SUPT5H: variants seen among roughly 807,000 people sequenced by gnomAD.
The protein encoded by SUPT5H is transcription elongation factor SPT5.
Under a neutral mutation model 142.5 loss-of-function variants are expected in SUPT5H, and 24 were observed. That is an observed-to-expected ratio of 0.17 (90% confidence interval 0.12 to 0.24). The LOEUF is 0.24. Among genes scored for constraint, SUPT5H ranks in the 10% least tolerant of loss-of-function variants. The probability of loss-of-function intolerance (pLI) is 1.00; values close to 1 mark genes in which losing one functional copy is unlikely to be tolerated. For synonymous variants in SUPT5H, 546 were observed against 553.0 expected, an observed-to-expected ratio of 0.99 and a Z score of 0.18; for missense variants, 893 against 1,471.8, an observed-to-expected ratio of 0.61 and a Z score of 6.43.
In SUPT5H at chr19:39,469,143, T is replaced by C. The variant is rs1162659753; in HGVS notation, c.1208T>C (p.Ile403Thr). Reference protein sequence around the residue: ...LEKFEDQPEGIDLEVVTESTG... With the variant: ...LEKFEDQPEGTDLEVVTESTG... ...AAGTTTGAGGACCAGCCAGAGGGCA[T>C]TGACCTGGAGGTGGTGACTGAGAGC... The change falls in exon 15 of 30, where the codon ATT (isoleucine) becomes ACT (threonine). Residue 403 changes from isoleucine (I) to threonine (T), a missense_variant. Physicochemically the swap from Ile to Thr is moderately conservative, Grantham distance 89. This residue lies in a region of SUPT5H where 428 missense variants were observed against 763.5 expected (regional missense o/e 0.56). Coordinates refer to ENST00000432763, the MANE Select transcript of SUPT5H (RefSeq NM_001111020.3). The surrounding 1 kb of genome is among the most constrained non-coding windows in gnomAD (Gnocchi z 5.1). 4 of 1,614,180 alleles carry C rather than the reference T, an allele frequency of 2.5e-6. No homozygotes were observed. The East Asian group carries it at 6.7e-5, about 27-fold the overall frequency.
chr19:39,469,186 C>G lies in SUPT5H; in HGVS notation c.1237+14C>G. 1 of 1,614,206 alleles carries G rather than the reference C, an allele frequency of 6.2e-7. No homozygotes were observed. The highest frequency in any genetic ancestry group is 8.5e-7 in the Non-Finnish European group (1 of 1,180,034). On this transcript the variant is annotated intron_variant, in intron 15 of 29. Coordinates refer to ENST00000432763, the MANE Select transcript of SUPT5H (RefSeq NM_001111020.3). This position sits in a 1 kb window ranked among gnomAD's most constrained non-coding sequence, Gnocchi z 5.1. Reference sequence around the variant, plus strand: ...CTGAGAGCACAGGTATTTGATCCCCCTCTATAACCTGGGCCAAGGAGCAGG... The same window carrying G: ...CTGAGAGCACAGGTATTTGATCCCCGTCTATAACCTGGGCCAAGGAGCAGG...
At position 39,466,969 on chromosome 19, in the gene SUPT5H, GGCTAAGGCA is replaced by G. The variant is rs2079248002; in HGVS notation, c.1037+226_1037+234del. 3.6e-6 allele frequency: 2 copies of G among 559,038 alleles called. No individual in the cohort carries two copies. The highest frequency in any genetic ancestry group is 3.8e-5 in the African/African-American group (2 of 53,302). The allele number at this position is 559,038 out of a possible 1,614,324, so 34.6% of individuals were successfully genotyped here. ...CGCAGCGGGAGGGAGCACTTTGGAA[GGCTAAGGCA>G]GGAGGCTTGCTTGAGGCAAGGAGTT... is the stretch of plus-strand genomic sequence containing the variant. On this transcript the variant is annotated intron_variant, in intron 13 of 29. Transcript: ENST00000432763. The surrounding 1 kb of genome is among the most constrained non-coding windows in gnomAD (Gnocchi z 4.3).
At chr19:39,462,876 G>A (rs1027168861) in intron 10 of SUPT5H, among the ~76,000 whole-genome samples, 4 of 117,398 alleles carry the variant, frequency 3.4e-5, no homozygotes, top group Admixed American at 2.1e-4. Context: ...GTCTCGCACC[G>A]TTGCCCAGGC....
At chr19:39,447,301 C>T (rs371750051) in intron 2 of SUPT5H, among the ~76,000 whole-genome samples, 2 of 152,008 alleles carry the variant, frequency 1.3e-5, no homozygotes, top group African/African-American at 2.4e-5. Context: ...AATGAAACCA[C>T]GAAAAAGTTT....
intron 3 of SUPT5H, among the ~76,000 whole-genome samples, chr19:39,455,174 G>A (rs769343560): frequency 1.3e-5 from 2 of 152,106 alleles, no homozygotes; most frequent in Non-Finnish European, 2.9e-5. Context: ...ACAAATTATG[G>A]GCCATATAGT....
chr19:39,471,105 G>C (rs1416068741), intron 18 of SUPT5H, among the ~76,000 whole-genome samples: 1 of 152,130 alleles, frequency 6.6e-6, no homozygotes. Context: ...CCATCTCTCA[G>C]GTCCCTGTTG....
chr19:39,454,440 G>A (rs189300142), intron 3 of SUPT5H, among the ~76,000 whole-genome samples: 6 of 148,758 alleles, frequency 4.0e-5, no homozygotes, highest in Non-Finnish European at 3.0e-5. Context: ...TCCCTCCTGG[G>A]TTCAACTGTT....
intron 11 of SUPT5H, among the ~76,000 whole-genome samples, chr19:39,465,333 G>A (rs2079220270): frequency 6.6e-6 from 1 of 152,216 alleles, no homozygotes; most frequent in Non-Finnish European, 1.5e-5. Context: ...AGATAGGATG[G>A]CACAGTCACT....
rs576571435 is a variant in SUPT5H, at chr19:39,459,958, A to G, written c.622A>G (p.Thr208Ala). 27 of 1,613,898 alleles carry G rather than the reference A, an allele frequency of 1.7e-5. No homozygotes were observed. The highest frequency in any genetic ancestry group is 2.2e-5 in the Non-Finnish European group (26 of 1,180,010). Residue 208 changes from threonine (T) to alanine (A), a missense_variant and splice_region_variant, in exon 10 of 30, where the codon ACG (threonine) becomes GCG (alanine). Transcript: ENST00000432763. ...GTTCATTGCCTACCAGTTCACAGAC[A>G]CGGTAAGTCGGGTAGACAGGCGGCT... ...RKFIAYQFTD[T>A]PLQIKSVVAP...
chr19:39,471,297 CT>C, intron 18 of SUPT5H, 59 bp from the exon 19 acceptor site: 1 of 1,604,338 alleles, frequency 6.2e-7, no homozygotes, highest in Non-Finnish European at 8.5e-7. Flanking sequence ...TAGGGAACCC[CT>C]GCCCCGTGTC....
chr19:39,463,383 C>T (rs2079191801), intron 10 of SUPT5H, among the ~76,000 whole-genome samples: 1 of 152,078 alleles, frequency 6.6e-6, no homozygotes, highest in Admixed American at 6.6e-5. Flanking sequence ...GTTTTGGTAT[C>T]TAGGAGTGTG....
At position 39,471,609 on chromosome 19, in the gene SUPT5H, G is replaced by A; in HGVS notation, c.1829G>A (p.Arg610Gln). 6.2e-7 allele frequency: 1 copy of A among 1,614,208 alleles called. No homozygotes were observed. Among genetic ancestry groups the A allele is most frequent in the Non-Finnish European group, 8.5e-7 (1 of 1,180,034 alleles). Residue 610 changes from arginine to glutamine, a missense_variant, in exon 20 of 30, where the codon CGA becomes CAA. Physicochemically the swap from Arg to Gln is conservative, Grantham distance 43. Transcript: ENST00000432763. ...GACCCTTCTCTCCCCGGCTAGGGCC[G>A]AGAAGGGGAGATTCGCCATCTCTTC... ...VKVIDGPHSG[R>Q]EGEIRHLFRS... is the part of the protein sequence containing the mutation.
At chr19:39,461,639 A>G (rs936341645) in intron 10 of SUPT5H, among the ~76,000 whole-genome samples, 1 of 151,976 alleles carries the variant, frequency 6.6e-6, no homozygotes, top group Non-Finnish European at 1.5e-5. Context: ...CTTCACCAGC[A>G]TGGTGAAACT....
chr19:39,462,857 T>TTGA (rs2079181688), intron 10 of SUPT5H, among the ~76,000 whole-genome samples: 1 of 133,342 alleles, frequency 7.5e-6, no homozygotes, highest in Admixed American at 7.6e-5. Context: ...TTTTTTTTTT[T>TTGA]GAGACAGAGT....
Position 39,474,606 on chromosome 19 carries a change from G to T in SUPT5H, c.2912G>T (p.Gly971Val). ...GGYNPHTPGS[G>V]IEQNSSDWVT... ...TACAACCCACACACGCCAGGCTCAG[G>T]CATCGAGCAGAACTCCAGCGACTGG... is the stretch of plus-strand genomic sequence containing the variant. The change falls in exon 28 of 30, where the codon GGC (glycine) becomes GTC (valine). Residue 971 changes from glycine to valine, a missense_variant. Coordinates refer to ENST00000432763, the MANE Select transcript of SUPT5H (RefSeq NM_001111020.3). The surrounding 1 kb of genome is among the most constrained non-coding windows in gnomAD (Gnocchi z 6.5). The T allele has an allele frequency of 6.2e-7, 1 of 1,614,248 alleles. No individual in the cohort carries two copies. The highest frequency in any genetic ancestry group is 8.5e-7 in the Non-Finnish European group (1 of 1,180,046).
In SUPT5H at chr19:39,458,986, T is replaced by G. The variant is rs772862707; in HGVS notation, c.390-19T>G. The G allele has an allele frequency of 2.5e-6, 4 of 1,614,108 alleles. No homozygotes were observed. Among genetic ancestry groups the G allele is most frequent in the Non-Finnish European group, 3.4e-6 (4 of 1,180,024 alleles). On this transcript the variant is annotated intron_variant, in intron 6 of 29. Transcript: ENST00000432763. The surrounding 1 kb of genome is among the most constrained non-coding windows in gnomAD (Gnocchi z 4.2). Reference sequence around the variant, plus strand: ...TCCTCAACCTTCAATTCGTGTTTGCTTCCCCACTCGTGCTCCAGGGACCAG... The same window carrying G: ...TCCTCAACCTTCAATTCGTGTTTGCGTCCCCACTCGTGCTCCAGGGACCAG...
Position 39,470,109 on chromosome 19 carries a change from A to C in SUPT5H, c.1375-10A>C, listed in dbSNP as rs1429138023. The C allele has an allele frequency of 3.1e-6, 5 of 1,611,680 alleles. No individual in the cohort carries two copies. The highest frequency in any genetic ancestry group is 4.2e-6 in the Non-Finnish European group (5 of 1,178,462). ...TCACCTGTTTGTTGTCCCCACACCC[A>C]ATCCCCCAGGACATGTTGGAGTTCC... is the stretch of plus-strand genomic sequence containing the variant. On this transcript the variant is annotated splice_polypyrimidine_tract_variant and intron_variant, in intron 16 of 29. Coordinates refer to ENST00000432763, the MANE Select transcript of SUPT5H (RefSeq NM_001111020.3). This position sits in a 1 kb window ranked among gnomAD's most constrained non-coding sequence, Gnocchi z 5.8.
intron 11 of SUPT5H, among the ~76,000 whole-genome samples, chr19:39,465,304 G>C (rs932458097): frequency 6.6e-6 from 1 of 152,190 alleles, no homozygotes; most frequent in African/African-American, 2.4e-5. Context: ...AGTGTTGTAG[G>C]CAGCAGGAGT....
rs758984794 is a variant in SUPT5H at position 39,472,496 on chromosome 19, G to A, written c.2035+3G>A. ...CCCCATGCACCCCAGTGCTGGAGGT[G>A]AGAGGGGTTCAGGGTCAGGGGATGT... On this transcript the variant is annotated splice_donor_region_variant and intron_variant, in intron 21 of 29. Coordinates refer to ENST00000432763, the MANE Select transcript of SUPT5H (RefSeq NM_001111020.3). The surrounding 1 kb of genome is among the most constrained non-coding windows in gnomAD (Gnocchi z 4.2). 3 of 1,613,778 alleles carry A rather than the reference G, an allele frequency of 1.9e-6. No homozygotes were observed. Among genetic ancestry groups the A allele is most frequent in the Non-Finnish European group, 2.5e-6 (3 of 1,179,920 alleles).
Sources: gnomAD v4.1 joint callset for allele counts (sites outside exome capture counted in the v4.1 genomes callset) on GRCh38, gnomAD v4.1.1 for gene constraint, gnomAD v4.1.1 regional missense constraint, Gnocchi (gnomAD v3.1) non-coding constraint, MANE v1.5 for transcripts, NCBI Gene and HGNC (gene_info 2026-07-23, HGNC 2026-07-21) for gene names.